The following DGKB variants were observed in gnomAD, a reference collection of about 807,000 sequenced individuals.
DGKB encodes 90 kDa diacylglycerol kinase.
In DGKB, 67 loss-of-function variants were observed where a neutral mutation model predicts 114.3. That is an observed-to-expected ratio of 0.59 (90% confidence interval 0.48 to 0.72). The LOEUF (loss-of-function observed/expected upper bound fraction) is 0.72. DGKB is among the 30% of genes least tolerant of loss of function. The pLI is 0.00. For synonymous variants in DGKB, 398 were observed against 323.1 expected (o/e 1.23, Z -2.49); for missense variants, 907 against 975.2 (o/e 0.93, Z 0.93).
chr7:14,476,840 C>T (rs187342111), intron 21 of DGKB, among the ~76,000 whole-genome samples: 7 of 151,318 alleles, frequency 4.6e-5, no homozygotes, highest in South Asian at 2.1e-4. Flanking sequence ...CTGCAACCTC[C>T]GCCTCCAGGG....
chr7:14,587,025 T>C (rs1001176002), intron 17 of DGKB, among the ~76,000 whole-genome samples: 3 of 152,150 alleles, frequency 2.0e-5, no homozygotes, highest in Admixed American at 6.6e-5. Flanking sequence ...TCAAGTCTTA[T>C]TTAAAAAATA....
chr7:14,396,770 T>C (rs1013275812), intron 21 of DGKB, among the ~76,000 whole-genome samples: 3 of 152,182 alleles, frequency 2.0e-5, no homozygotes, highest in Non-Finnish European at 1.5e-5. Context: ...AGCTCTCTTT[T>C]AGCTAAAGCT....
intron 2 of DGKB, among the ~76,000 whole-genome samples, chr7:14,781,652 GA>G: frequency 6.6e-6 from 1 of 152,186 alleles, no homozygotes; most frequent in Admixed American, 6.5e-5. Context: ...TCTTAATCAG[GA>G]AATTTGAGCT....
intron 20 of DGKB, among the ~76,000 whole-genome samples, chr7:14,510,639 C>A (rs1787848206): frequency 1.3e-5 from 2 of 152,178 alleles, no homozygotes; most frequent in Non-Finnish European, 2.9e-5. Flanking sequence ...TCCCAAGAAT[C>A]ATAAATGTCC....
At chr7:14,280,291 G>A (rs1253589744) in intron 23 of DGKB, among the ~76,000 whole-genome samples, 1 of 152,020 alleles carries the variant, frequency 6.6e-6, no homozygotes, top group Non-Finnish European at 1.5e-5. Context: ...GAAATGAAGC[G>A]AGAAGGAAAG....
intron 12 of DGKB, among the ~76,000 whole-genome samples, chr7:14,674,973 T>C (rs1012926908): frequency 6.6e-6 from 1 of 152,054 alleles, no homozygotes; most frequent in African/African-American, 2.4e-5. Flanking sequence ...ATAAACCCAG[T>C]ACTATGAAAA....
In DGKB at chr7:14,841,308, T is replaced by C. The variant is rs1334765176; in HGVS notation, c.-45A>G. The C allele has an allele frequency of 1.3e-6, 2 of 1,563,062 alleles. No homozygotes were observed. Among genetic ancestry groups the C allele is most frequent in the East Asian group, 2.2e-5 (1 of 44,538 alleles). On this transcript the variant is annotated 5_prime_UTR_variant, in exon 2 of 26. It adds an upstream start codon to the 5' untranslated region. Coordinates refer to ENST00000402815, the MANE Select transcript of DGKB (RefSeq NM_001350709.2). ...GTCACATACCAGGTAAAAGATTCTT[T>C]ATTCAGGTGTTGCGCAGAGGTCTAT...
chr7:14,334,344 CT>C (rs34159045), intron 23 of DGKB, among the ~76,000 whole-genome samples: 40,728 of 146,990 alleles, frequency 0.28, 5,733 homozygotes, highest in Middle Eastern at 0.35. Context: ...TTATTTATTT[CT>C]TTATATGTAT....
chr7:14,578,091 T>A (rs1469794536), intron 19 of DGKB, among the ~76,000 whole-genome samples: 4 of 152,086 alleles, frequency 2.6e-5, no homozygotes, highest in African/African-American at 7.2e-5. Context: ...CTGGTGGTGG[T>A]GAGTGAGTTC....
intron 21 of DGKB, among the ~76,000 whole-genome samples, chr7:14,465,808 C>G (rs1780377549): frequency 6.6e-6 from 1 of 152,184 alleles, no homozygotes; most frequent in African/African-American, 2.4e-5. Flanking sequence ...ATAACATCCC[C>G]TGCTTATTAG....
chr7:14,661,365 A>G (rs373228169), intron 13 of DGKB, among the ~76,000 whole-genome samples: 7 of 146,080 alleles, frequency 4.8e-5, no homozygotes, highest in Non-Finnish European at 4.5e-5. Context: ...CAAGAAAAAA[A>G]CAAACAACCC....
At chr7:14,438,957 T>C (rs1829669921) in intron 21 of DGKB, among the ~76,000 whole-genome samples, 1 of 151,446 alleles carries the variant, frequency 6.6e-6, no homozygotes, top group South Asian at 2.1e-4. Flanking sequence ...ATCCTATATG[T>C]GGGAAAATTA....
chr7:14,402,432 T>C (rs1346896942), intron 21 of DGKB, among the ~76,000 whole-genome samples: 1 of 151,898 alleles, frequency 6.6e-6, no homozygotes, highest in Non-Finnish European at 1.5e-5. Context: ...GCTAATACAA[T>C]TCTTTATGAC....
intron 2 of DGKB, among the ~76,000 whole-genome samples, chr7:14,786,545 T>C (rs1200080592): frequency 6.6e-6 from 1 of 152,218 alleles, no homozygotes; most frequent in Non-Finnish European, 1.5e-5. Context: ...GCGGAAGGCC[T>C]GTCCCCTTAA....
chr7:14,735,093 C>G (rs1337604633), intron 5 of DGKB, among the ~76,000 whole-genome samples: 1 of 152,164 alleles, frequency 6.6e-6, no homozygotes, highest in African/African-American at 2.4e-5. Flanking sequence ...GCTCTAGTCT[C>G]TAGCTCATGT....
intron 21 of DGKB, among the ~76,000 whole-genome samples, chr7:14,468,995 T>G (rs530035566): frequency 6.6e-6 from 1 of 152,230 alleles, no homozygotes; most frequent in African/African-American, 2.4e-5. Context: ...AAAATGTAAG[T>G]GTCTTGCAAA....
chr7:14,463,485 T>C (rs1183631360), intron 21 of DGKB, among the ~76,000 whole-genome samples: 1 of 152,150 alleles, frequency 6.6e-6, no homozygotes, highest in East Asian at 1.9e-4. Flanking sequence ...GCATAAGAAG[T>C]ATTTTCTCCT....
chr7:14,235,949 C>T lies in DGKB; in HGVS notation c.2123-57798G>A, dbSNP rs892083465. Among the ~76,000 whole-genome samples the T allele has an allele frequency of 2.0e-5, 3 of 152,122 alleles. No homozygotes were observed. The East Asian group carries it at 5.8e-4, about 30-fold the overall frequency. Reference sequence around the variant, plus strand: ...ATATGGACGCACACACTGCAAAAAACACACACATGGATGCACAAGACATAC... The same window carrying T: ...ATATGGACGCACACACTGCAAAAAATACACACATGGATGCACAAGACATAC... On this transcript the variant is annotated intron_variant, in intron 23 of 25. Transcript: ENST00000402815.
At chr7:14,394,486 A>G (rs979936081) in intron 21 of DGKB, among the ~76,000 whole-genome samples, 2 of 152,142 alleles carry the variant, frequency 1.3e-5, no homozygotes, top group Admixed American at 6.5e-5. Context: ...ACCACAGTGG[A>G]AAGGAGGCCA....
Sources: gnomAD v4.1 joint callset for allele counts (sites outside exome capture counted in the v4.1 genomes callset) on GRCh38, gnomAD v4.1.1 for gene constraint, MANE v1.5 for transcripts, NCBI Gene and HGNC (gene_info 2026-07-23, HGNC 2026-07-21) for gene names.